Variants in GUCY1A2 observed in about 807,000 individuals in gnomAD.
GUCY1A2 encodes guanylate cyclase 1 soluble subunit alpha 2.
In GUCY1A2, 27 loss-of-function variants were observed where a neutral mutation model predicts 63.5. That is an observed-to-expected ratio of 0.43 (90% CI 0.31 to 0.59). The LOEUF is 0.59. GUCY1A2 is among the 20% of genes least tolerant of loss of function. The pLI, the probability that GUCY1A2 is intolerant of heterozygous loss-of-function variation, is 0.11. For synonymous variants in GUCY1A2, 364 were observed against 343.5 expected, an observed-to-expected ratio of 1.06 and a Z score of -0.66; for missense variants, 768 against 913.3, an observed-to-expected ratio of 0.84 and a Z score of 2.05.
chr11:106,772,076 C>G (rs1190171989), intron 6 of GUCY1A2, among the ~76,000 whole-genome samples: 1 of 151,934 alleles, frequency 6.6e-6, no homozygotes, highest in African/African-American at 2.4e-5. Flanking sequence ...GCTACATTCT[C>G]TGGTTATTTT....
At chr11:106,981,529 T>C (rs1419786914) in intron 2 of GUCY1A2, among the ~76,000 whole-genome samples, 3 of 150,310 alleles carry the variant, frequency 2.0e-5, no homozygotes, top group Non-Finnish European at 4.4e-5. Flanking sequence ...TACATATTTC[T>C]TTATTCTTTA....
chr11:106,963,938 T>C (rs1262316727), intron 3 of GUCY1A2, among the ~76,000 whole-genome samples: 1 of 152,184 alleles, frequency 6.6e-6, no homozygotes, highest in Non-Finnish European at 1.5e-5. Flanking sequence ...GTTGCAAGAA[T>C]AGTATAAAAA....
At chr11:106,881,200 A>G (rs1565318955) in intron 4 of GUCY1A2, among the ~76,000 whole-genome samples, 1 of 152,012 alleles carries the variant, frequency 6.6e-6, no homozygotes, top group Non-Finnish European at 1.5e-5. Flanking sequence ...CCGTCCTATA[A>G]TAACTTTATA....
At chr11:106,794,863 A>G (rs533613149) in intron 5 of GUCY1A2, among the ~76,000 whole-genome samples, 16 of 152,276 alleles carry the variant, frequency 1.1e-4, no homozygotes, top group African/African-American at 3.8e-4. Flanking sequence ...TAGGCATTCA[A>G]CTAATATCAG....
intron 7 of GUCY1A2, among the ~76,000 whole-genome samples, chr11:106,707,172 G>A (rs1270482085): frequency 6.6e-6 from 1 of 151,956 alleles, no homozygotes; most frequent in Non-Finnish European, 1.5e-5. Context: ...TATTTTTAAT[G>A]TGCACTTTCT....
At chr11:106,800,313 C>G (rs914840886) in intron 5 of GUCY1A2, among the ~76,000 whole-genome samples, 6 of 151,992 alleles carry the variant, frequency 3.9e-5, no homozygotes, top group African/African-American at 1.4e-4. Context: ...GTTCAACCAT[C>G]GTGGAAGACA....
intron 6 of GUCY1A2, among the ~76,000 whole-genome samples, chr11:106,771,766 C>A (rs2883167): frequency 0.95 from 143,902 of 151,148 alleles, 68,568 homozygotes; most frequent in East Asian, 0.99. Context: ...GGAAAAAAAA[C>A]AAGAAAATCA....
intron 7 of GUCY1A2, among the ~76,000 whole-genome samples, chr11:106,701,474 C>T: frequency 6.6e-6 from 1 of 152,112 alleles, no homozygotes; most frequent in East Asian, 1.9e-4. Context: ...GCTGTAATTC[C>T]ACTTTGCTCC....
chr11:107,016,534 G>A (rs1861825933), intron 1 of GUCY1A2, among the ~76,000 whole-genome samples: 2 of 152,212 alleles, frequency 1.3e-5, no homozygotes, highest in South Asian at 4.1e-4. Flanking sequence ...GGAGTTTGTT[G>A]TACACCTGAA....
intron 5 of GUCY1A2, among the ~76,000 whole-genome samples, chr11:106,801,605 C>CA (rs1340859012): frequency 2.0e-5 from 3 of 152,058 alleles, no homozygotes; most frequent in Non-Finnish European, 2.9e-5. Flanking sequence ...GAACTAAATT[C>CA]AAGTAGCATC....
rs922142798 is a variant in GUCY1A2, at chr11:106,681,828, G to C, written c.*5721C>G. The C allele has an allele frequency of 1.4e-5, 3 of 216,352 alleles. No individual in the cohort carries two copies. The highest frequency in any genetic ancestry group is 2.8e-5 in the Non-Finnish European group (3 of 107,594). 13.4% of individuals were successfully genotyped at this position (216,352 alleles called of 1,614,324 possible). On this transcript the variant is annotated 3_prime_UTR_variant, in exon 8 of 8. Transcript: ENST00000526355. ...ATTATTGCTTGAAAGGTTGTTACACGGTATTGCTTGGAAATCAGTTTTCAG... is the reference window on the plus strand; with the variant it reads ...ATTATTGCTTGAAAGGTTGTTACACCGTATTGCTTGGAAATCAGTTTTCAG...
chr11:107,016,749 C>T (rs1861829053), intron 1 of GUCY1A2, among the ~76,000 whole-genome samples: 1 of 151,106 alleles, frequency 6.6e-6, no homozygotes, highest in African/African-American at 2.4e-5. Flanking sequence ...AGAGAGAAAG[C>T]ACTAGAGAAT....
chr11:106,799,158 A>G (rs571694306), intron 5 of GUCY1A2, among the ~76,000 whole-genome samples: 6 of 152,188 alleles, frequency 3.9e-5, no homozygotes, highest in Non-Finnish European at 7.3e-5. Context: ...TGCTTCAAAG[A>G]GAATAAAATA....
At chr11:106,776,992 G>T (rs1181465319) in intron 5 of GUCY1A2, among the ~76,000 whole-genome samples, 1 of 152,008 alleles carries the variant, frequency 6.6e-6, no homozygotes, top group Non-Finnish European at 1.5e-5. Flanking sequence ...GAAGAAAATT[G>T]TTCCACACTT....
At chr11:106,882,044 G>A (rs1055988145) in intron 4 of GUCY1A2, among the ~76,000 whole-genome samples, 1 of 151,704 alleles carries the variant, frequency 6.6e-6, no homozygotes, top group Non-Finnish European at 1.5e-5. Context: ...TTCAAAAAGC[G>A]CTCTCATTCT....
At chr11:106,931,063 T>C (rs185479495) in intron 4 of GUCY1A2, among the ~76,000 whole-genome samples, 4 of 152,204 alleles carry the variant, frequency 2.6e-5, no homozygotes, top group Non-Finnish European at 5.9e-5. Flanking sequence ...CCATAAATAT[T>C]TTTAAAGGAC....
At chr11:106,827,988 C>A (rs1259361989) in intron 4 of GUCY1A2, 2 of 750,682 alleles carry the variant, frequency 2.7e-6, no homozygotes, top group East Asian at 5.4e-5. Flanking sequence ...ACTTCCGGTG[C>A]CTTATCCAGA....
At chr11:106,883,317 T>C (rs1164656606) in intron 4 of GUCY1A2, among the ~76,000 whole-genome samples, 1 of 152,192 alleles carries the variant, frequency 6.6e-6, no homozygotes, top group Non-Finnish European at 1.5e-5. Context: ...GATGCCTTTA[T>C]CTATGTGTGT....
intron 4 of GUCY1A2, among the ~76,000 whole-genome samples, chr11:106,913,986 C>CAAAAAAAAAAAA (rs11325847): frequency 4.4e-4 from 31 of 70,944 alleles, no homozygotes; most frequent in Non-Finnish European, 7.1e-4. Context: ...AATGAAAAAG[C>CAAAAAAAAAAAA]AAAAAAAAAA....
Sources: gnomAD v4.1 joint callset for allele counts (sites outside exome capture counted in the v4.1 genomes callset) on GRCh38, gnomAD v4.1.1 for gene constraint, MANE v1.5 for transcripts, NCBI Gene and HGNC (gene_info 2026-07-23, HGNC 2026-07-21) for gene names.